Variants in GPM6B observed in about 807,000 individuals in gnomAD.
GPM6B encodes the protein neuronal membrane glycoprotein M6-b.
Under a neutral mutation model 27.2 loss-of-function variants are expected in GPM6B, and 4 were observed. That is an observed-to-expected ratio of 0.15 (90% CI 0.07 to 0.34). The LOEUF (loss-of-function observed/expected upper bound fraction) is 0.34, where lower values mean the gene tolerates loss of function less well. Ranked by LOEUF, GPM6B falls within the 10% of genes least tolerant of loss-of-function variation. The pLI is 1.00. For missense variants in GPM6B, 183 were observed against 261.9 expected, an observed-to-expected ratio of 0.70 and a Z score of 2.08; for synonymous variants, 124 against 103.1, an observed-to-expected ratio of 1.20 and a Z score of -1.23.
chrX:13,782,842 C>T (rs1194379527), intron 4 of GPM6B, among the ~76,000 whole-genome samples: 1 of 109,276 alleles, frequency 9.2e-6, no homozygotes, highest in Non-Finnish European at 1.9e-5. Flanking sequence ...TGGCCCACAG[C>T]CCCTAGTTTG....
rs1346403311 is a variant in GPM6B at position 13,861,389 on chromosome X, A to G, written c.-197-75581T>C. On this transcript the variant is annotated intron_variant, in intron 1 of 6. Coordinates refer to the GPM6B transcript ENST00000398361. Reference sequence around the variant, plus strand: ...TAGTTCTTTAAGCAATCTCCCCACTATTTCTATAGTGGTTGTACTAGTTTA... The same window carrying G: ...TAGTTCTTTAAGCAATCTCCCCACTGTTTCTATAGTGGTTGTACTAGTTTA... Among the ~76,000 whole-genome samples, 4 of 111,246 alleles carry G rather than the reference A, an allele frequency of 3.6e-5. No individual in the cohort carries two copies. The East Asian group carries it at 1.1e-3, about 31-fold the overall frequency.
intron 7 of GPM6B, among the ~76,000 whole-genome samples, chrX:13,775,405 C>T (rs2048393705): frequency 8.9e-6 from 1 of 112,843 alleles, no homozygotes; most frequent in African/African-American, 3.2e-5. Flanking sequence ...TTTCAGCTCT[C>T]AGACTGTAAA....
chrX:13,785,055 C>G (rs1033939720), intron 3 of GPM6B, among the ~76,000 whole-genome samples: 1 of 111,277 alleles, frequency 9.0e-6, no homozygotes, highest in Non-Finnish European at 1.9e-5. Context: ...TCCCCATGTC[C>G]ACAGCTACCA....
chrX:13,850,980 T>G (rs758703031), intron 1 of GPM6B, among the ~76,000 whole-genome samples: 9 of 109,619 alleles, frequency 8.2e-5, no homozygotes, highest in South Asian at 3.9e-4. Context: ...CCTGGCCAAC[T>G]GGTGAAACTC....
intron 1 of GPM6B, among the ~76,000 whole-genome samples, chrX:13,926,690 G>C (rs1486949815): frequency 8.9e-6 from 1 of 111,787 alleles, no homozygotes; most frequent in Non-Finnish European, 1.9e-5. Context: ...TGGTATTTCT[G>C]TATAGGAAAT....
chrX:13,935,455 A>G, intron 1 of GPM6B, among the ~76,000 whole-genome samples: 1 of 111,036 alleles, frequency 9.0e-6, no homozygotes, highest in Non-Finnish European at 1.9e-5. Context: ...GTTCCAGGCC[A>G]CAGTGAGTTA....
upstream of GPM6B, among the ~76,000 whole-genome samples, chrX:13,817,575 G>C (rs113643229): frequency 0.015 from 1,716 of 111,744 alleles, 32 homozygotes; most frequent in African/African-American, 0.053. Context: ...TTTACCCCTC[G>C]ACCCTGGCAA....
chrX:13,775,807 T>A (rs1470222973), intron 7 of GPM6B, among the ~76,000 whole-genome samples: 1 of 112,424 alleles, frequency 8.9e-6, no homozygotes, highest in Non-Finnish European at 1.9e-5. Context: ...TTGAGGTGAC[T>A]TTATGGAACA....
chrX:13,888,302 C>G (rs781001137), intron 1 of GPM6B, among the ~76,000 whole-genome samples: 1 of 112,202 alleles, frequency 8.9e-6, no homozygotes, highest in Non-Finnish European at 1.9e-5. Flanking sequence ...ATGCAAAACT[C>G]TGGAAGGGAA....
chrX:13,923,043 G>A (rs1405627357), intron 1 of GPM6B, among the ~76,000 whole-genome samples: 2 of 111,570 alleles, frequency 1.8e-5, no homozygotes, highest in African/African-American at 3.3e-5. Flanking sequence ...TGGTGTGGTG[G>A]TACGCACCTG....
intron 7 of GPM6B, 196 bp downstream of exon 7, chrX:13,776,042 C>CT (rs1306335828): frequency 2.3e-6 from 1 of 428,375 alleles, no homozygotes; most frequent in Non-Finnish European, 4.1e-6. Flanking sequence ...ATTACATCAC[C>CT]TACAATCAGT....
At chrX:13,879,967 C>T (rs1427123922) in intron 1 of GPM6B, among the ~76,000 whole-genome samples, 1 of 112,018 alleles carries the variant, frequency 8.9e-6, no homozygotes, top group Non-Finnish European at 1.9e-5. Flanking sequence ...ATTAGCTGCA[C>T]TTGGAGGAAT....
intron 2 of GPM6B, among the ~76,000 whole-genome samples, chrX:13,801,038 TAAAAAA>T (rs76875109): frequency 1.1e-5 from 1 of 94,158 alleles, no homozygotes; most frequent in East Asian, 3.2e-4. Context: ...ACCTCATACT[TAAAAAA>T]AAAAAAAAAG....
At chrX:13,916,662 A>AGTGTGTGT (rs2050431427) in intron 1 of GPM6B, among the ~76,000 whole-genome samples, 1 of 35,979 alleles carries the variant, frequency 2.8e-5, no homozygotes, top group Non-Finnish European at 6.5e-5. Flanking sequence ...TTAGTTTATT[A>AGTGTGTGT]ATGTGTGTGT....
chrX:13,801,692 T>TA (rs1475312787), intron 2 of GPM6B, among the ~76,000 whole-genome samples: 1 of 111,558 alleles, frequency 9.0e-6, no homozygotes, highest in Non-Finnish European at 1.9e-5. Flanking sequence ...AATCTCGATT[T>TA]ATTGCCACTG....
intron 1 of GPM6B, among the ~76,000 whole-genome samples, chrX:13,852,181 C>CA (rs1366087279): frequency 9.0e-6 from 1 of 111,039 alleles, no homozygotes; most frequent in Non-Finnish European, 1.9e-5. Flanking sequence ...GCCACCGTAG[C>CA]AAAAAAGCAG....
At chrX:13,863,726 C>T (rs1425914211) in intron 1 of GPM6B, among the ~76,000 whole-genome samples, 1 of 112,119 alleles carries the variant, frequency 8.9e-6, no homozygotes, top group Non-Finnish European at 1.9e-5. Flanking sequence ...TCACTTTCTT[C>T]CCACAGAAAG....
chrX:13,774,434 A>G (rs1233119068), intron 7 of GPM6B: 10 of 1,146,431 alleles, frequency 8.7e-6, no homozygotes, highest in Non-Finnish European at 1.2e-5. Flanking sequence ...TACTAAAGCT[A>G]TTTACAAATT....
At chrX:13,856,038 T>C (rs1332692887) in intron 1 of GPM6B, among the ~76,000 whole-genome samples, 1 of 111,974 alleles carries the variant, frequency 8.9e-6, no homozygotes. Flanking sequence ...AGTATGGAGT[T>C]CTTAAGCCCA....
Sources: allele counts gnomAD v4.1 joint callset (sites outside exome capture counted in the v4.1 genomes callset), GRCh38; gene constraint gnomAD v4.1.1; transcripts MANE v1.5; gene names NCBI Gene and HGNC (gene_info 2026-07-23, HGNC 2026-07-21).